The following KIF2A variants were observed in gnomAD, a reference collection of about 807,000 sequenced individuals.
KIF2A encodes kinesin family member 2A.
A neutral mutation model predicts 100.2 loss-of-function variants in KIF2A; 22 were observed. The observed-to-expected ratio is 0.22, with a 90% CI of 0.16 to 0.31. The LOEUF is 0.31. Ranked by LOEUF, KIF2A falls within the 10% of genes least tolerant of loss-of-function variation. The pLI is 1.00. For synonymous variants in KIF2A, 268 were observed against 285.9 expected (o/e 0.94, Z 0.63); for missense variants, 495 against 898.7 (o/e 0.55, Z 5.74).
intron 20 of KIF2A, among the ~76,000 whole-genome samples, chr5:62,382,759 G>A (rs961723580): frequency 9.3e-5 from 14 of 150,590 alleles, no homozygotes; most frequent in Middle Eastern, 3.4e-3. Flanking sequence ...TCAGCCTCCC[G>A]AGTAGTTGGG....
intron 18 of KIF2A, among the ~76,000 whole-genome samples, chr5:62,376,928 C>T (rs920362496): frequency 4.6e-5 from 7 of 152,050 alleles, no homozygotes; most frequent in Non-Finnish European, 7.4e-5. Context: ...CAGCTGGCCC[C>T]GTGGAACTTG....
At chr5:62,347,734 T>A (rs1352958167) in intron 2 of KIF2A, among the ~76,000 whole-genome samples, 1 of 152,040 alleles carries the variant, frequency 6.6e-6, no homozygotes, top group Non-Finnish European at 1.5e-5. Flanking sequence ...CAAGTGACCC[T>A]CCCACCTGTC....
rs373422990 is a variant in KIF2A at position 62,385,548 on chromosome 5, G to A, written c.2214G>A (p.Pro738=). 1.5e-5 allele frequency: 24 copies of A among 1,594,054 alleles called. No homozygotes were observed. In the South Asian group the frequency reaches 1.7e-4, roughly 11 times the overall value. ...EEEQASKQIN[P]KRPRAL ...AACAAGCCAGCAAGCAAATCAACCC[G>A]AAGAGACCCCGTGCCCTTTAAACCG... The change falls in exon 21 of 21, where the codon CCG becomes CCA. Residue 738 remains proline (P), a synonymous_variant. Coordinates refer to ENST00000407818, the MANE Select transcript of KIF2A (RefSeq NM_001098511.3).
intron 1 of KIF2A, among the ~76,000 whole-genome samples, chr5:62,321,553 TTTTG>T (rs535816258): frequency 5.9e-5 from 9 of 152,182 alleles, no homozygotes; most frequent in South Asian, 2.1e-4. Context: ...TTACCATTTG[TTTTG>T]TTTGTTTGTT....
At position 62,372,532 on chromosome 5, in the gene KIF2A, T is replaced by A. The variant is rs762616923; in HGVS notation, c.1741T>A (p.Phe581Ile). ...CTCTCCTTCTTATGAATATGACGAC[T>A]TTTCTCCTTCAGTTACCAGGTCTAC... ...DLSPSYEYDD[F>I]SPSVTRVKEL... The change falls in exon 17 of 21, where the codon TTT (phenylalanine) becomes ATT (isoleucine). Residue 581 changes from phenylalanine (F) to isoleucine (I), a missense_variant. Physicochemically the swap from Phe to Ile is conservative, Grantham distance 21 (BLOSUM62 0). Coordinates refer to ENST00000407818, the MANE Select transcript of KIF2A (RefSeq NM_001098511.3). The A allele has an allele frequency of 1.6e-5, 26 of 1,602,374 alleles. No homozygotes were observed. In the East Asian group the frequency reaches 5.6e-4, roughly 34 times the overall value.
At chr5:62,358,963 T>TA (rs1748251288) in intron 9 of KIF2A, among the ~76,000 whole-genome samples, 1 of 152,214 alleles carries the variant, frequency 6.6e-6, no homozygotes. Context: ...GAGCCACTGT[T>TA]ATGCCTGGCC....
intron 18 of KIF2A, among the ~76,000 whole-genome samples, chr5:62,375,986 A>T (rs1741523439): frequency 6.6e-6 from 1 of 152,226 alleles, no homozygotes; most frequent in South Asian, 2.1e-4. Flanking sequence ...TTATGTCCAG[A>T]ATTTTTAAGA....
chr5:62,353,234 A>G (rs1360851641), intron 5 of KIF2A, 41 bp from the exon 6 acceptor site: 1 of 1,223,744 alleles, frequency 8.2e-7, no homozygotes, highest in South Asian at 1.6e-5. Context: ...AGTACTCTAA[A>G]AAAGAAAACT....
At chr5:62,323,911 G>A (rs1746233756) in intron 1 of KIF2A, among the ~76,000 whole-genome samples, 1 of 151,990 alleles carries the variant, frequency 6.6e-6, no homozygotes, top group South Asian at 2.1e-4. Context: ...GTATGTACCT[G>A]TGGTCCCAGC....
In KIF2A at chr5:62,364,020, C is replaced by T. The variant is rs141357081; in HGVS notation, c.1467+121C>T. The T allele has an allele frequency of 6.0e-4, 443 of 739,880 alleles. 8 individuals carry two copies. The East Asian group carries it at 0.012, about 20-fold the overall frequency. 45.8% of individuals were successfully genotyped at this position (739,880 alleles called of 1,614,324 possible). A position where few individuals can be genotyped will look rare whatever the true frequency, so the allele number is the denominator to read the frequency against. On this transcript the variant is annotated intron_variant, in intron 14 of 20. Transcript: ENST00000407818. ...AAAAGAGGTTTTCAAAATTCAGATGCTTGTAATGTATAGTGTGATTTTATT... is the reference window on the plus strand; with the variant it reads ...AAAAGAGGTTTTCAAAATTCAGATGTTTGTAATGTATAGTGTGATTTTATT...
chr5:62,361,415 A>G lies in KIF2A; in HGVS notation c.964-51A>G, dbSNP rs1748400611. On this transcript the variant is annotated intron_variant, in intron 10 of 20. Coordinates refer to ENST00000407818, the MANE Select transcript of KIF2A (RefSeq NM_001098511.3). Reference sequence around the variant, plus strand: ...GCTTAATTCTGTGAACTAAATTCTTAAGAGTTATTCCTGAGTAATGTCTGT... The same window carrying G: ...GCTTAATTCTGTGAACTAAATTCTTGAGAGTTATTCCTGAGTAATGTCTGT... 3 of 1,433,298 alleles carry G rather than the reference A, an allele frequency of 2.1e-6. No homozygotes were observed. The African/African-American group carries it at 4.2e-5, about 20-fold the overall frequency. 88.8% of individuals were successfully genotyped at this position (1,433,298 alleles called of 1,614,324 possible). A position where few individuals can be genotyped will look rare whatever the true frequency, so the allele number is the denominator to read the frequency against.
At chr5:62,381,717 A>T (rs936296750) in intron 20 of KIF2A, among the ~76,000 whole-genome samples, 1 of 152,200 alleles carries the variant, frequency 6.6e-6, no homozygotes, top group Non-Finnish European at 1.5e-5. Flanking sequence ...GGCGCAAGCC[A>T]CCACACCCAG....
In KIF2A at chr5:62,361,153, T is replaced by A. The variant is rs115507651; in HGVS notation, c.873-89T>A. ...TAGAATCTTGCTATTAAGTTTTATT[T>A]ATTAATAAAATACTTTGTATTACTC... On this transcript the variant is annotated intron_variant, in intron 9 of 20. Coordinates refer to ENST00000407818, the MANE Select transcript of KIF2A (RefSeq NM_001098511.3). 5.2e-3 allele frequency: 2,971 copies of A among 570,048 alleles called. 74 individuals are homozygous for A. The highest frequency in any genetic ancestry group is 0.051 in the African/African-American group (2,662 of 51,894). 35.3% of individuals were successfully genotyped at this position (570,048 alleles called of 1,614,324 possible).
intron 14 of KIF2A, among the ~76,000 whole-genome samples, chr5:62,364,121 G>A (rs1348631534): frequency 6.6e-6 from 1 of 150,670 alleles, no homozygotes; most frequent in East Asian, 1.9e-4. Flanking sequence ...TAGTAGGTCA[G>A]TTCTGGGGCT....
At chr5:62,314,641 T>C (rs1408594804) in intron 1 of KIF2A, among the ~76,000 whole-genome samples, 5 of 152,102 alleles carry the variant, frequency 3.3e-5, no homozygotes, top group Non-Finnish European at 7.4e-5. Context: ...TTCTCCAGGT[T>C]TTTGTAGGTT....
rs373003450 is a variant in KIF2A at position 62,380,118 on chromosome 5, C to G, written c.2014-1000C>G. Among the ~76,000 whole-genome samples the G allele has an allele frequency of 2.6e-5, 4 of 152,288 alleles. No homozygotes were observed. In the East Asian group the frequency reaches 7.7e-4, roughly 29 times the overall value. ...ATGTTGGCCCGGCTGATCTTGAACT[C>G]CTGACCTCAAAGTGATCCACTTGCC... On this transcript the variant is annotated intron_variant, in intron 19 of 20. Coordinates refer to ENST00000407818, the MANE Select transcript of KIF2A (RefSeq NM_001098511.3).
intron 16 of KIF2A, among the ~76,000 whole-genome samples, chr5:62,371,579 C>G (rs879777619): frequency 6.6e-6 from 1 of 152,174 alleles, no homozygotes; most frequent in African/African-American, 2.4e-5. Context: ...ATGCCACATT[C>G]TCAGTGAATG....
At chr5:62,372,676 C>T in intron 17 of KIF2A, 125 bp downstream of exon 17, 1 of 592,090 alleles carries the variant, frequency 1.7e-6, no homozygotes, top group South Asian at 2.3e-5. Flanking sequence ...TTTCATTTGG[C>T]AGGTGGTGGT....
intron 1 of KIF2A, among the ~76,000 whole-genome samples, chr5:62,339,241 C>T (rs980748053): frequency 4.6e-5 from 7 of 151,922 alleles, no homozygotes; most frequent in Non-Finnish European, 1.0e-4. Flanking sequence ...TTTAAACAGC[C>T]AGAGAACAGA....
Sources: gnomAD v4.1 joint callset for allele counts (sites outside exome capture counted in the v4.1 genomes callset) on GRCh38, gnomAD v4.1.1 for gene constraint, MANE v1.5 for transcripts, NCBI Gene and HGNC (gene_info 2026-07-23, HGNC 2026-07-21) for gene names.